Variants in RBMS3 observed in about 807,000 individuals in gnomAD.
RBMS3 encodes RNA binding motif single stranded interacting protein 3.
Under a neutral mutation model 66.8 loss-of-function variants are expected in RBMS3, and 27 were observed. That is an observed-to-expected ratio of 0.40 (90% CI 0.30 to 0.56). RBMS3 has a LOEUF of 0.56. RBMS3 is among the 20% of genes least tolerant of loss of function. The pLI, the probability that RBMS3 is intolerant of heterozygous loss-of-function variation, is 0.40. For missense variants in RBMS3, 513 were observed against 549.5 expected, an observed-to-expected ratio of 0.93 and a Z score of 0.66; for synonymous variants, 188 against 183.0, an observed-to-expected ratio of 1.03 and a Z score of -0.22.
chr3:29,989,146 T>A (rs1300669213), intron 13 of RBMS3, among the ~76,000 whole-genome samples: 1 of 152,174 alleles, frequency 6.6e-6, no homozygotes, highest in African/African-American at 2.4e-5. Flanking sequence ...GTTGTACAAC[T>A]CTTATTGCTG....
chr3:29,379,340 T>C (rs1406339116), intron 1 of RBMS3, among the ~76,000 whole-genome samples: 1 of 152,190 alleles, frequency 6.6e-6, no homozygotes, highest in African/African-American at 2.4e-5. Flanking sequence ...GATAAGAAGT[T>C]AGAGTAACTA....
intron 5 of RBMS3, among the ~76,000 whole-genome samples, chr3:29,750,780 A>C (rs1442680785): frequency 2.6e-5 from 4 of 152,120 alleles, no homozygotes; most frequent in African/African-American, 9.7e-5. Context: ...CTTATTTGAC[A>C]ATGCTTCCTA....
chr3:29,367,295 C>G (rs2037962094), intron 1 of RBMS3, among the ~76,000 whole-genome samples: 1 of 151,996 alleles, frequency 6.6e-6, no homozygotes, highest in Non-Finnish European at 1.5e-5. Context: ...CTATGTATAT[C>G]TATGCTAAAA....
intron 14 of RBMS3, among the ~76,000 whole-genome samples, chr3:29,998,405 GAAA>G (rs1406251056): frequency 0.032 from 4,911 of 151,722 alleles, 264 homozygotes; most frequent in African/African-American, 0.11. Context: ...CACAGAATTG[GAAA>G]AAACTACTTT....
chr3:29,287,452 A>G (rs751018915), intron 1 of RBMS3, among the ~76,000 whole-genome samples: 2 of 152,230 alleles, frequency 1.3e-5, no homozygotes, highest in Non-Finnish European at 2.9e-5. Context: ...GTATTAGGCA[A>G]TAAGAATCAG....
At chr3:29,281,998 TTTG>T (rs1413339832) in intron 1 of RBMS3, among the ~76,000 whole-genome samples, 1 of 152,176 alleles carries the variant, frequency 6.6e-6, no homozygotes, top group African/African-American at 2.4e-5. Flanking sequence ...GTTCAGTTTC[TTTG>T]TTGTTATTTG....
intron 1 of RBMS3, among the ~76,000 whole-genome samples, chr3:29,401,683 A>G (rs2039817795): frequency 6.6e-6 from 1 of 152,124 alleles, no homozygotes; most frequent in South Asian, 2.1e-4. Flanking sequence ...CTTCTGAATG[A>G]AGATGGGGGA....
chr3:29,304,117 T>C (rs1000350136), intron 1 of RBMS3, among the ~76,000 whole-genome samples: 3 of 151,908 alleles, frequency 2.0e-5, no homozygotes, highest in East Asian at 3.9e-4. Flanking sequence ...CCAAACCATA[T>C]CACATAGAGA....
chr3:29,804,508 A>C (rs2057482891), intron 6 of RBMS3, among the ~76,000 whole-genome samples: 1 of 152,100 alleles, frequency 6.6e-6, no homozygotes, highest in Non-Finnish European at 1.5e-5. Flanking sequence ...GAGGCTAAAA[A>C]TTATATACAC....
intron 3 of RBMS3, among the ~76,000 whole-genome samples, chr3:29,560,718 T>C (rs949527686): frequency 1.3e-5 from 2 of 152,254 alleles, no homozygotes; most frequent in African/African-American, 4.8e-5. Context: ...TTTTGTTGTA[T>C]AAACTCTGTT....
At chr3:29,766,149 G>A (rs891039108) in intron 6 of RBMS3, 6 of 151,894 alleles carry the variant, frequency 4.0e-5, no homozygotes, top group South Asian at 2.1e-4. Context: ...TACGGTCTAC[G>A]TCTCTGTTTA....
rs1699914227 is a variant in RBMS3 at position 30,009,917 on chromosome 3, A to G, written c.*6055A>G. 1 of 151,892 alleles carries G rather than the reference A, an allele frequency of 6.6e-6. No individual in the cohort carries two copies. The highest frequency in any genetic ancestry group is 1.5e-5 in the Non-Finnish European group (1 of 68,000). The allele number at this position is 151,892 out of a possible 1,614,324, so 9.4% of individuals were successfully genotyped here. On this transcript the variant is annotated 3_prime_UTR_variant, in exon 15 of 15. Transcript: ENST00000383767. Reference sequence around the variant, plus strand: ...AAAAATAAGTTATTCCATGCTTTTCAGGAACTGTAAAAATTATTTCAAAAA... The same window carrying G: ...AAAAATAAGTTATTCCATGCTTTTCGGGAACTGTAAAAATTATTTCAAAAA...
chr3:29,980,374 C>A (rs1044835797), intron 12 of RBMS3, among the ~76,000 whole-genome samples: 1 of 152,212 alleles, frequency 6.6e-6, no homozygotes, highest in Non-Finnish European at 1.5e-5. Context: ...TGCTCGCATT[C>A]TGTAGGTCGC....
chr3:29,792,631 G>A (rs1021123103), intron 6 of RBMS3, among the ~76,000 whole-genome samples: 2 of 152,088 alleles, frequency 1.3e-5, no homozygotes, highest in African/African-American at 4.8e-5. Flanking sequence ...TATATAATAA[G>A]AACAATTAAA....
intron 5 of RBMS3, among the ~76,000 whole-genome samples, chr3:29,754,724 A>C (rs570678396): frequency 3.3e-5 from 5 of 152,248 alleles, no homozygotes; most frequent in Non-Finnish European, 7.3e-5. Context: ...CAGTCCAATT[A>C]GCAATAGTTA....
intron 6 of RBMS3, among the ~76,000 whole-genome samples, chr3:29,866,077 TAAAAAAAAAA>T (rs35591949): frequency 2.8e-5 from 3 of 105,600 alleles, no homozygotes; most frequent in Admixed American, 9.6e-5. Flanking sequence ...CACCAAATAC[TAAAAAAAAAA>T]AAAAAAAAAA....
chr3:29,539,023 A>C (rs972788559), intron 3 of RBMS3, among the ~76,000 whole-genome samples: 1 of 152,178 alleles, frequency 6.6e-6, no homozygotes, highest in Non-Finnish European at 1.5e-5. Context: ...ACTAATTTCA[A>C]CTTATATAAT....
chr3:29,727,280 C>A (rs1242017480), intron 4 of RBMS3, among the ~76,000 whole-genome samples: 5 of 152,124 alleles, frequency 3.3e-5, no homozygotes, highest in African/African-American at 1.2e-4. Flanking sequence ...AAAACCTAGG[C>A]AATACCATTC....
chr3:29,329,642 T>C (rs1444185861), intron 1 of RBMS3, among the ~76,000 whole-genome samples: 1 of 151,930 alleles, frequency 6.6e-6, no homozygotes, highest in African/African-American at 2.4e-5. Flanking sequence ...TTTTCATGAT[T>C]GCCTATTCAA....
Sources: gnomAD v4.1 joint callset for allele counts (sites outside exome capture counted in the v4.1 genomes callset) on GRCh38, gnomAD v4.1.1 for gene constraint, MANE v1.5 for transcripts, NCBI Gene and HGNC (gene_info 2026-07-23, HGNC 2026-07-21) for gene names.